ROBO1: variants seen among roughly 807,000 people sequenced by gnomAD.
ROBO1 encodes roundabout homolog 1.
A neutral mutation model predicts 195.9 loss-of-function variants in ROBO1; 149 were observed. That is an observed-to-expected ratio of 0.76 (90% CI 0.67 to 0.87). The LOEUF (loss-of-function observed/expected upper bound fraction) is 0.87. Among genes scored for constraint, ROBO1 ranks in the 40% least tolerant of loss-of-function variants. The pLI is 0.00. For missense variants in ROBO1, 1,933 were observed against 2,068.3 expected, an observed-to-expected ratio of 0.93 and a Z score of 1.27; for synonymous variants, 816 against 733.2, an observed-to-expected ratio of 1.11 and a Z score of -1.82.
In ROBO1 at chr3:79,748,387, G is replaced by T. The variant is rs141212089; in HGVS notation, c.-51+19365C>A. ...ACACAATTTTATTACCTATGTATCA[G>T]ATGGGAGAGATTGATTATGGGGCAT... On this transcript the variant is annotated intron_variant, in intron 1 of 30. Coordinates refer to ENST00000464233, the MANE Select transcript of ROBO1 (RefSeq NM_002941.4). Among the ~76,000 whole-genome samples the T allele has an allele frequency of 2.9e-4, 44 of 152,318 alleles. 1 individual carries two copies. The East Asian group carries it at 8.5e-3, about 29-fold the overall frequency.
Position 78,598,788 on chromosome 3 carries a change from A to T in ROBO1, c.*125T>A. 1.7e-6 allele frequency: 1 copy of T among 576,612 alleles called. No individual in the cohort carries two copies. The highest frequency in any genetic ancestry group is 3.3e-5 in the South Asian group (1 of 30,632). The allele number at this position is 576,612 out of a possible 1,614,324, so 35.7% of individuals were successfully genotyped here. A position where few individuals can be genotyped will look rare whatever the true frequency, so the allele number is the denominator to read the frequency against. On this transcript the variant is annotated 3_prime_UTR_variant, in exon 31 of 31. Coordinates refer to ENST00000464233, the MANE Select transcript of ROBO1 (RefSeq NM_002941.4). Reference sequence around the variant, plus strand: ...TTTAAAATGATATCCCAATAAGAGGAATAAAAACGACAATTTGTACACTCT... The same window carrying T: ...TTTAAAATGATATCCCAATAAGAGGTATAAAAACGACAATTTGTACACTCT...
intron 2 of ROBO1, among the ~76,000 whole-genome samples, chr3:79,152,040 T>G (rs367602866): frequency 1.3e-5 from 2 of 151,820 alleles, no homozygotes; most frequent in African/African-American, 2.4e-5. Context: ...TTAAGTGATG[T>G]CTCCTTTCAC....
intron 3 of ROBO1, among the ~76,000 whole-genome samples, chr3:79,029,749 C>T (rs1043076437): frequency 3.3e-5 from 5 of 152,224 alleles, no homozygotes; most frequent in East Asian, 3.9e-4. Flanking sequence ...ATCAAAGTCT[C>T]TTCCTCAGGA....
At chr3:78,677,926 A>G (rs1708540457) in intron 10 of ROBO1, among the ~76,000 whole-genome samples, 1 of 151,680 alleles carries the variant, frequency 6.6e-6, no homozygotes, top group Non-Finnish European at 1.5e-5. Context: ...AGTTGGAAGT[A>G]AAGCTCTCCT....
intron 1 of ROBO1, among the ~76,000 whole-genome samples, chr3:79,659,194 A>G (rs1448744417): frequency 6.6e-6 from 1 of 152,096 alleles, no homozygotes; most frequent in Non-Finnish European, 1.5e-5. Flanking sequence ...TTATATTTCA[A>G]AAGACTAAAA....
intron 3 of ROBO1, among the ~76,000 whole-genome samples, chr3:79,067,470 A>G (rs2079022237): frequency 6.6e-6 from 1 of 152,002 alleles, no homozygotes; most frequent in African/African-American, 2.4e-5. Flanking sequence ...TGAAGACAGA[A>G]GAACTGAAGT....
At chr3:78,981,658 C>T (rs563285804) in intron 3 of ROBO1, among the ~76,000 whole-genome samples, 1 of 152,160 alleles carries the variant, frequency 6.6e-6, no homozygotes, top group African/African-American at 2.4e-5. Context: ...GAACAATACC[C>T]GAAGTATAGC....
chr3:78,851,143 T>A (rs1305725457), intron 4 of ROBO1, among the ~76,000 whole-genome samples: 1 of 152,094 alleles, frequency 6.6e-6, no homozygotes, highest in Non-Finnish European at 1.5e-5. Context: ...TTTTTGTTGT[T>A]GTTTTTGGTC....
At chr3:79,328,771 C>A (rs143653357) in intron 2 of ROBO1, among the ~76,000 whole-genome samples, 155 of 152,004 alleles carry the variant, frequency 1.0e-3, no homozygotes, top group African/African-American at 3.5e-3. Flanking sequence ...TATCCCTCAC[C>A]CTCTCCCACC....
At chr3:79,142,743 G>A (rs751764575) in intron 2 of ROBO1, among the ~76,000 whole-genome samples, 1 of 151,980 alleles carries the variant, frequency 6.6e-6, no homozygotes, top group Non-Finnish European at 1.5e-5. Flanking sequence ...CTTTTTAAGC[G>A]AGGTCAGAAG....
chr3:78,973,470 C>CTA (rs1010411232), intron 3 of ROBO1, among the ~76,000 whole-genome samples: 2 of 139,172 alleles, frequency 1.4e-5, no homozygotes, highest in Non-Finnish European at 3.1e-5. Flanking sequence ...ATATAAGAAG[C>CTA]TATATATATA....
chr3:79,057,130 C>T (rs1210995643), intron 3 of ROBO1, among the ~76,000 whole-genome samples: 3 of 151,914 alleles, frequency 2.0e-5, no homozygotes, highest in Admixed American at 6.6e-5. Flanking sequence ...AAAGATCAGC[C>T]CATTCCTGAG....
chr3:79,145,648 A>G (rs887692144), intron 2 of ROBO1, among the ~76,000 whole-genome samples: 2 of 151,980 alleles, frequency 1.3e-5, no homozygotes, highest in Non-Finnish European at 2.9e-5. Context: ...GACTGACCTG[A>G]TCAATTTCTG....
chr3:79,134,930 C>T lies in ROBO1; in HGVS notation c.89-9391G>A, dbSNP rs540791803. 9.1e-5 allele frequency among the ~76,000 whole-genome samples: 12 copies of T among 132,058 alleles called. No individual in the cohort carries two copies. In the East Asian group the frequency reaches 2.8e-3, roughly 31 times the overall value. 86.6% of individuals were successfully genotyped at this position (132,058 alleles called of 152,430 possible). ...GGAGGGATAGCATTGGGAGATATAC[C>T]TAATGCTAGATGACACGTTAGTGGG... On this transcript the variant is annotated intron_variant, in intron 2 of 30. Coordinates refer to ENST00000464233, the MANE Select transcript of ROBO1 (RefSeq NM_002941.4).
intron 2 of ROBO1, among the ~76,000 whole-genome samples, chr3:79,222,023 G>T (rs1034214434): frequency 6.6e-6 from 1 of 151,948 alleles, no homozygotes; most frequent in Non-Finnish European, 1.5e-5. Context: ...CGATAGTGTG[G>T]CAAGTATTTC....
intron 2 of ROBO1, among the ~76,000 whole-genome samples, chr3:79,424,208 C>G (rs2038347457): frequency 6.6e-6 from 1 of 152,010 alleles, no homozygotes; most frequent in Non-Finnish European, 1.5e-5. Flanking sequence ...ATAAGATTTA[C>G]TTGACCTGGG....
intron 2 of ROBO1, among the ~76,000 whole-genome samples, chr3:79,556,617 TTATTGTATATATGTATTA>T (rs1425098128): frequency 1.3e-5 from 2 of 152,008 alleles, no homozygotes; most frequent in Non-Finnish European, 2.9e-5. Flanking sequence ...ACAAATTATT[TTATTGTATATATGTATTA>T]TATTGTATAT....
At chr3:79,211,349 C>A (rs2081962756) in intron 2 of ROBO1, among the ~76,000 whole-genome samples, 1 of 151,934 alleles carries the variant, frequency 6.6e-6, no homozygotes, top group African/African-American at 2.4e-5. Flanking sequence ...GTATTATTTA[C>A]AATTTAATGA....
rs555376594 is a variant in ROBO1, at chr3:79,647,642, A to G, written c.-50-57681T>C. ...TACTAAGCACAGGATACAACCTTCT[A>G]CCCCCACCACTAAACAATTATCCAT... is the stretch of plus-strand genomic sequence containing the variant. On this transcript the variant is annotated intron_variant, in intron 1 of 30. Transcript: ENST00000464233. Among the ~76,000 whole-genome samples, 8 of 152,030 alleles carry G rather than the reference A, an allele frequency of 5.3e-5. No homozygotes were observed. The East Asian group carries it at 1.2e-3, about 22-fold the overall frequency.
Sources: gnomAD v4.1 joint callset for allele counts (sites outside exome capture counted in the v4.1 genomes callset) on GRCh38, gnomAD v4.1.1 for gene constraint, MANE v1.5 for transcripts, NCBI Gene and HGNC (gene_info 2026-07-23, HGNC 2026-07-21) for gene names.